ENOPH1: variants seen among roughly 807,000 people sequenced by gnomAD.
ENOPH1 encodes the protein enolase-phosphatase E1.
A neutral mutation model predicts 31.1 loss-of-function variants in ENOPH1; 14 were observed. The observed-to-expected ratio is 0.45, with a 90% confidence interval of 0.30 to 0.70. The LOEUF is 0.70. Ranked by LOEUF, ENOPH1 falls within the 30% of genes least tolerant of loss-of-function variation. The pLI, the probability that ENOPH1 is intolerant of heterozygous loss-of-function variation, is 0.09. For synonymous variants in ENOPH1, 127 were observed against 123.2 expected (o/e 1.03, Z -0.21); for missense variants, 243 against 321.5 (o/e 0.76, Z 1.87).
intron 3 of ENOPH1, among the ~76,000 whole-genome samples, chr4:82,453,302 A>G (rs1037281204): frequency 6.6e-6 from 1 of 152,128 alleles, no homozygotes; most frequent in African/African-American, 2.4e-5. Context: ...GTCAAATGAG[A>G]TGTTGTTTCT....
At chr4:82,446,686 AATCTTTTT>A (rs1722195743) in intron 1 of ENOPH1, among the ~76,000 whole-genome samples, 1 of 94,790 alleles carries the variant, frequency 1.1e-5, no homozygotes, top group African/African-American at 6.7e-5. Context: ...TGTGTGACGG[AATCTTTTT>A]TTTTTTTTTT....
rs760903590 is a variant in ENOPH1, at chr4:82,433,385, A to C, written c.84+2472A>C. Among the ~76,000 whole-genome samples, 31 of 152,192 alleles carry C rather than the reference A, an allele frequency of 2.0e-4. 1 individual carries two copies. Among genetic ancestry groups the C allele is most frequent in the Admixed American group, 9.8e-4 (15 of 15,272 alleles). ...TTAGTTGCCTAAATAAATTTTTCTG[A>C]ATTTGACGCTAGGCAATGTGCAATT... On this transcript the variant is annotated intron_variant, in intron 1 of 5. Transcript: ENST00000273920.
chr4:82,457,735 G>A (rs922220673), intron 5 of ENOPH1, among the ~76,000 whole-genome samples: 1 of 152,174 alleles, frequency 6.6e-6, no homozygotes, highest in African/African-American at 2.4e-5. Flanking sequence ...GAGCCAGCCA[G>A]TTCTGGGATT....
chr4:82,447,288 A>G (rs1052295018), intron 1 of ENOPH1, among the ~76,000 whole-genome samples: 29 of 152,194 alleles, frequency 1.9e-4, no homozygotes, highest in African/African-American at 6.3e-4. Flanking sequence ...GCCCAGCTGC[A>G]TATCACTTTC....
chr4:82,454,589 T>G (rs1722434530), intron 3 of ENOPH1, 133 bp from the exon 4 acceptor site: 2 of 904,968 alleles, frequency 2.2e-6, no homozygotes, highest in Admixed American at 2.7e-5. Context: ...TGCAGGAGTT[T>G]GTAGTCTCAG....
At chr4:82,455,551 T>C (rs764130783) in intron 4 of ENOPH1, among the ~76,000 whole-genome samples, 18 of 151,804 alleles carry the variant, frequency 1.2e-4, no homozygotes, top group East Asian at 3.9e-4. Context: ...GAGGCCAAGG[T>C]GGGCGGATCA....
At chr4:82,448,353 T>G (rs890007776) in intron 2 of ENOPH1, among the ~76,000 whole-genome samples, 10 of 151,502 alleles carry the variant, frequency 6.6e-5, no homozygotes, top group African/African-American at 2.4e-4. Context: ...CCTCGCTTAC[T>G]GGGTTCAGGC....
intron 4 of ENOPH1, among the ~76,000 whole-genome samples, chr4:82,456,418 A>G (rs1455471422): frequency 1.3e-5 from 2 of 152,204 alleles, no homozygotes; most frequent in Non-Finnish European, 2.9e-5. Flanking sequence ...GGGCAGAGAC[A>G]TAGACGAGCC....
chr4:82,459,918 T>C (rs554086801), intron 5 of ENOPH1, 63 bp from the exon 6 acceptor site: 1 of 1,588,136 alleles, frequency 6.3e-7, no homozygotes, highest in African/African-American at 1.3e-5. Flanking sequence ...CTGACTTTGC[T>C]GCAAATCTCA....
At chr4:82,444,032 A>G (rs1722115419) in intron 1 of ENOPH1, among the ~76,000 whole-genome samples, 1 of 151,746 alleles carries the variant, frequency 6.6e-6, no homozygotes, top group Non-Finnish European at 1.5e-5. Context: ...GCGCCACCAC[A>G]TCCAGATAAT....
chr4:82,450,951 G>C, intron 2 of ENOPH1, 92 bp from the exon 3 acceptor site: 1 of 1,011,466 alleles, frequency 9.9e-7, no homozygotes, highest in Admixed American at 2.1e-5. Context: ...TAATGATGGA[G>C]AAAGTTGTTC....
chr4:82,447,023 T>TC (rs1197251374), intron 1 of ENOPH1, among the ~76,000 whole-genome samples: 1 of 148,674 alleles, frequency 6.7e-6, no homozygotes, highest in African/African-American at 2.5e-5. Context: ...TCTTATTCTG[T>TC]CCCCCAGGCT....
chr4:82,454,544 T>TGA (rs1188613111), intron 3 of ENOPH1, among the ~76,000 whole-genome samples, 178 bp from the exon 4 acceptor site: 1 of 152,252 alleles, frequency 6.6e-6, no homozygotes, highest in Non-Finnish European at 1.5e-5. Flanking sequence ...TAATCTGCTG[T>TGA]GAGCCTGGAA....
At chr4:82,444,095 G>C (rs573509962) in intron 1 of ENOPH1, among the ~76,000 whole-genome samples, 2 of 152,166 alleles carry the variant, frequency 1.3e-5, no homozygotes, top group Non-Finnish European at 2.9e-5. Flanking sequence ...GGCTGGTCTC[G>C]AACTCCTGAC....
chr4:82,454,879 G>A, intron 4 of ENOPH1, 25 bp downstream of exon 4: 1 of 1,596,216 alleles, frequency 6.3e-7, no homozygotes, highest in South Asian at 1.1e-5. Flanking sequence ...TTACTTTGTT[G>A]TTTTGACGCT....
At chr4:82,457,979 A>G (rs1286518282) in intron 5 of ENOPH1, among the ~76,000 whole-genome samples, 3 of 152,176 alleles carry the variant, frequency 2.0e-5, no homozygotes, top group Non-Finnish European at 4.4e-5. Flanking sequence ...AATAGAAATA[A>G]TCCCTAAATT....
Position 82,430,739 on chromosome 4 carries a change from C to A in ENOPH1, c.-91C>A. Reference sequence around the variant, plus strand: ...CGAGATCGCGCGGGGCCGCCGGAAGCCCAAGACGGTACCGGGGGCCGCAGC... The same window carrying A: ...CGAGATCGCGCGGGGCCGCCGGAAGACCAAGACGGTACCGGGGGCCGCAGC... On this transcript the variant is annotated 5_prime_UTR_variant, in exon 1 of 6. Transcript: ENST00000273920. 7.9e-7 allele frequency: 1 copy of A among 1,270,942 alleles called. No homozygotes were observed. Among genetic ancestry groups the A allele is most frequent in the Non-Finnish European group, 1.1e-6 (1 of 879,608 alleles). The allele number at this position is 1,270,942 out of a possible 1,614,324, so 78.7% of individuals were successfully genotyped here.
chr4:82,448,272 T>G (rs187641667), intron 2 of ENOPH1, among the ~76,000 whole-genome samples: 2 of 150,250 alleles, frequency 1.3e-5, no homozygotes, highest in Admixed American at 1.3e-4. Flanking sequence ...TTTTTTTTGT[T>G]TTTTTTTGAG....
chr4:82,447,333 GA>G (rs1229058046), intron 1 of ENOPH1, among the ~76,000 whole-genome samples: 1 of 152,000 alleles, frequency 6.6e-6, no homozygotes, highest in Non-Finnish European at 1.5e-5. Context: ...TAGTTACCAA[GA>G]AAGAGTCATG....
Sources: gnomAD v4.1 joint callset for allele counts (sites outside exome capture counted in the v4.1 genomes callset) on GRCh38, gnomAD v4.1.1 for gene constraint, MANE v1.5 for transcripts, NCBI Gene and HGNC (gene_info 2026-07-23, HGNC 2026-07-21) for gene names.